The following WDR38 variants were observed in gnomAD, a reference collection of about 807,000 sequenced individuals.
The protein encoded by WDR38 is WD repeat domain 38.
WDR38 carries 37 observed loss-of-function variants against 36.6 expected under a neutral mutation model. The ratio of observed to expected loss-of-function variants is 1.01; its 90% CI spans 0.78 to 1.33. The LOEUF is 1.33. Ranked by LOEUF, WDR38 falls within the 40% of genes most tolerant of loss-of-function variation. The pLI is 0.00. For synonymous variants in WDR38, 164 were observed against 168.1 expected (o/e 0.98, Z 0.19); for missense variants, 411 against 414.6 (o/e 0.99, Z 0.07).
chr9:124,857,228 G>T lies in WDR38; in HGVS notation c.769-136G>T. ...TGTAATCCCAGCACTTTGGGAGGTG[G>T]AGGTAGGTGAATCACCTGAGGTCAG... On this transcript the variant is annotated intron_variant, in intron 7 of 8. Transcript: ENST00000373574. 5 of 1,169,456 alleles carry T rather than the reference G, an allele frequency of 4.3e-6. 1 individual carries two copies. The South Asian group carries it at 5.2e-5, about 12-fold the overall frequency. The allele number at this position is 1,169,456 out of a possible 1,614,324, so 72.4% of individuals were successfully genotyped here. A position where few individuals can be genotyped will look rare whatever the true frequency, so the allele number is the denominator to read the frequency against.
chr9:124,857,343 C>T (rs776075672), intron 7 of WDR38, 21 bp from the exon 8 acceptor site: 3 of 1,479,320 alleles, frequency 2.0e-6, no homozygotes, highest in Middle Eastern at 1.7e-4. Flanking sequence ...GGCTTCCTGA[C>T]ATGCCCCCCT....
In WDR38 at chr9:124,853,616, C is replaced by G. The variant is rs371567186; in HGVS notation, c.69+16C>G. 2 of 1,270,132 alleles carry G rather than the reference C, an allele frequency of 1.6e-6. No homozygotes were observed. Among genetic ancestry groups the G allele is most frequent in the Non-Finnish European group, 2.0e-6 (2 of 1,000,394 alleles). The allele number at this position is 1,270,132 out of a possible 1,614,324, so 78.7% of individuals were successfully genotyped here. On this transcript the variant is annotated intron_variant, in intron 1 of 8. Transcript: ENST00000373574. ...CGGCGGGGAGGTGAGGTCCAGCGGG[C>G]TCTGCCCAGACTCCCGGCTTTGGAT...
chr9:124,857,213 G>A, intron 7 of WDR38, 151 bp from the exon 8 acceptor site: 1 of 1,061,980 alleles, frequency 9.4e-7, no homozygotes, highest in Non-Finnish European at 1.4e-6. Context: ...TGTAATCCCA[G>A]CACTTTGGGA....
At position 124,856,787 on chromosome 9, in the gene WDR38, T is replaced by C; in HGVS notation, c.674T>C (p.Leu225Pro). 1 of 1,614,222 alleles carries C rather than the reference T, an allele frequency of 6.2e-7. No individual in the cohort carries two copies. The highest frequency in any genetic ancestry group is 8.5e-7 in the Non-Finnish European group (1 of 1,180,034). Residue 225 changes from leucine to proline, a missense_variant, in exon 7 of 9, where the codon CTG becomes CCG. Leu to Pro is a moderately conservative substitution (Grantham distance 98). Coordinates refer to ENST00000373574, the MANE Select transcript of WDR38 (RefSeq NM_001045476.3). The stretch of plus-strand genomic sequence containing the variant: ...ATCTGGAAGCCCACAACCAGCAGCC[T>C]GCTTATCCAACTGAAGGGCCATGTC... ...IHIWKPTTSSLLIQLKGHVTW... is the reference protein window; with the variant it reads ...IHIWKPTTSSPLIQLKGHVTW...
At chr9:124,857,439 A>T (rs1173554501) in intron 8 of WDR38, 28 bp downstream of exon 8, 1 of 1,614,094 alleles carries the variant, frequency 6.2e-7, no homozygotes, top group South Asian at 1.1e-5. Context: ...GGCACTGAGG[A>T]AGCTGTGGAC....
At position 124,853,527 on chromosome 9, in the gene WDR38, T is replaced by G. The variant is rs977144266; in HGVS notation, c.-5T>G. On this transcript the variant is annotated 5_prime_UTR_variant, in exon 1 of 9. Coordinates refer to ENST00000373574, the MANE Select transcript of WDR38 (RefSeq NM_001045476.3). ...CCCGCCGGGGCGGGGCGGGGCCGGG[T>G]GCCCATGAACAGCGGGGTCCCGGCC... 2 of 1,240,822 alleles carry G rather than the reference T, an allele frequency of 1.6e-6. No homozygotes were observed. Among genetic ancestry groups the G allele is most frequent in the Middle Eastern group, 3.1e-4 (1 of 3,266 alleles). The allele number at this position is 1,240,822 out of a possible 1,614,324, so 76.9% of individuals were successfully genotyped here.
Position 124,856,818 on chromosome 9 carries a change from G to A in WDR38, c.705G>A (p.Trp235Ter), listed in dbSNP as rs200265200. 68 of 1,614,084 alleles carry A rather than the reference G, an allele frequency of 4.2e-5. No homozygotes were observed. The highest frequency in any genetic ancestry group is 1.6e-4 in the Middle Eastern group (1 of 6,084). Residue 235 changes from tryptophan (W) to a stop codon, truncating the protein, a stop_gained, in exon 7 of 9, where the codon TGG becomes TGA. Transcript: ENST00000373574. LOFTEE classifies it high-confidence loss of function. ...LLIQLKGHVT[W>*]VKSIAFSPDE... The stretch of plus-strand genomic sequence containing the variant: ...TCCAACTGAAGGGCCATGTCACCTG[G>A]GTGAAGAGCATAGCCTTCTCTCCCG...
rs1829069877 is a variant in WDR38, at chr9:124,856,455, GAAGCT to G, written c.487-13_487-9del. Reference sequence around the variant, plus strand: ...GAGAGCTGGCTGGGCCAGACTCACAGAAGCTGCCTGCAGGCCACCGGCTCCTGGGA... The same window carrying G: ...GAGAGCTGGCTGGGCCAGACTCACAGGCCTGCAGGCCACCGGCTCCTGGGA... On this transcript the variant is annotated splice_polypyrimidine_tract_variant and intron_variant, in intron 5 of 8. Coordinates refer to ENST00000373574, the MANE Select transcript of WDR38 (RefSeq NM_001045476.3). The G allele has an allele frequency of 1.9e-6, 3 of 1,612,224 alleles. No homozygotes were observed. The South Asian group carries it at 3.3e-5, about 18-fold the overall frequency.
At position 124,854,264 on chromosome 9, in the gene WDR38, C is replaced by T; in HGVS notation, c.129C>T (p.Gly43=). The T allele has an allele frequency of 6.2e-7, 1 of 1,614,118 alleles. No individual in the cohort carries two copies. The highest frequency in any genetic ancestry group is 8.5e-7 in the Non-Finnish European group (1 of 1,179,996). The change falls in exon 2 of 9, where the codon GGC becomes GGT. Residue 43 remains glycine, a synonymous_variant. Coordinates refer to ENST00000373574, the MANE Select transcript of WDR38 (RefSeq NM_001045476.3). ...TGCTGCTCACAGGCTCAGAAGATGG[C>T]TGCGTGTATGGCTGGGAGACCCGGA... is the stretch of plus-strand genomic sequence containing the variant. ...GQMLLTGSED[G]CVYGWETRSG...
chr9:124,856,184 A>G, intron 4 of WDR38, 56 bp from the exon 5 acceptor site: 1 of 1,608,922 alleles, frequency 6.2e-7, no homozygotes, highest in Non-Finnish European at 8.5e-7. Context: ...CTGGACTGTC[A>G]AGGCCAGGTA....
Position 124,853,597 on chromosome 9 carries a change from G to T in WDR38, c.66G>T (p.Gly22=), listed in dbSNP as rs377590768. The T allele has an allele frequency of 1.6e-6, 2 of 1,272,332 alleles. No homozygotes were observed. Among genetic ancestry groups the T allele is most frequent in the East Asian group, 2.9e-5 (1 of 34,460 alleles). 78.8% of individuals were successfully genotyped at this position (1,272,332 alleles called of 1,614,324 possible). A position where few individuals can be genotyped will look rare whatever the true frequency, so the allele number is the denominator to read the frequency against. The stretch of plus-strand genomic sequence containing the variant: ...TGAAATTCTTCGGCCAGCACGGCGG[G>T]GAGGTGAGGTCCAGCGGGCTCTGCC... ...RRVKFFGQHG[G]EVNSSAFSPD... Residue 22 remains glycine (G), a synonymous_variant, in exon 1 of 9, where the codon GGG becomes GGT. Transcript: ENST00000373574.
chr9:124,853,594 C>T lies in WDR38; in HGVS notation c.63C>T (p.Gly21=). The part of the protein sequence containing the change: ...VRRVKFFGQH[G]GEVNSSAFSP... ...GAGTGAAATTCTTCGGCCAGCACGG[C>T]GGGGAGGTGAGGTCCAGCGGGCTCT... The change falls in exon 1 of 9, where the codon GGC becomes GGT. Residue 21 remains glycine, a synonymous_variant. Coordinates refer to ENST00000373574, the MANE Select transcript of WDR38 (RefSeq NM_001045476.3). The T allele has an allele frequency of 7.9e-7, 1 of 1,271,146 alleles. No individual in the cohort carries two copies. Among genetic ancestry groups the T allele is most frequent in the Non-Finnish European group, 1.0e-6 (1 of 1,001,120 alleles). The allele number at this position is 1,271,146 out of a possible 1,614,324, so 78.7% of individuals were successfully genotyped here.
chr9:124,855,681 A>G lies in WDR38; in HGVS notation c.238A>G (p.Ser80Gly), dbSNP rs768992216. 1.9e-5 allele frequency: 31 copies of G among 1,612,936 alleles called. No individual in the cohort carries two copies. The highest frequency in any genetic ancestry group is 2.3e-5 in the Non-Finnish European group (27 of 1,180,028). ...CTCCCCTGATGGCCACCTCTTCGCC[A>G]GCGCCTCCTGTGACTGCACTGTCCG... is the stretch of plus-strand genomic sequence containing the variant. ...RFSPDGHLFA[S>G]ASCDCTVRLW... Residue 80 changes from serine to glycine, a missense_variant, in exon 3 of 9, where the codon AGC (serine) becomes GGC (glycine). Transcript: ENST00000373574.
Position 124,853,471 on chromosome 9 carries a change from T to A in WDR38, c.-61T>A. 9.1e-7 allele frequency: 1 copy of A among 1,101,710 alleles called. No homozygotes were observed. The highest frequency in any genetic ancestry group is 1.2e-6 in the Non-Finnish European group (1 of 863,594). 68.2% of individuals were successfully genotyped at this position (1,101,710 alleles called of 1,614,324 possible). A position where few individuals can be genotyped will look rare whatever the true frequency, so the allele number is the denominator to read the frequency against. ...ACAGTTTCCTCTTTCCTCTGCCCAG[T>A]CCTGGGGTCCCGCGGCCGCCTAGGA... On this transcript the variant is annotated 5_prime_UTR_variant, in exon 1 of 9. Transcript: ENST00000373574.
At position 124,855,703 on chromosome 9, in the gene WDR38, T is replaced by A; in HGVS notation, c.260T>A (p.Val87Asp). 6.2e-7 allele frequency: 1 copy of A among 1,613,384 alleles called. No individual in the cohort carries two copies. Among genetic ancestry groups the A allele is most frequent in the Non-Finnish European group, 8.5e-7 (1 of 1,180,032 alleles). The change falls in exon 3 of 9, where the codon GTC becomes GAC. Residue 87 changes from valine to aspartate, a missense_variant. Coordinates refer to ENST00000373574, the MANE Select transcript of WDR38 (RefSeq NM_001045476.3). ...LFASASCDCT[V>D]RLWDVARAKC... ...GCCAGCGCCTCCTGTGACTGCACTG[T>A]CCGCCTGTGGGATGTGGCAAGAGCG...
Position 124,857,677 on chromosome 9 carries a change from G to T in WDR38, c.*47G>T. 2 of 1,610,058 alleles carry T rather than the reference G, an allele frequency of 1.2e-6. No homozygotes were observed. Among genetic ancestry groups the T allele is most frequent in the Non-Finnish European group, 1.7e-6 (2 of 1,179,440 alleles). Reference sequence around the variant, plus strand: ...CCGACCTCACCCGCTCCCCTCAGTGGCGCACAGGCATGCCGCTTCTCCCCA... The same window carrying T: ...CCGACCTCACCCGCTCCCCTCAGTGTCGCACAGGCATGCCGCTTCTCCCCA... On this transcript the variant is annotated 3_prime_UTR_variant, in exon 9 of 9. Transcript: ENST00000373574.
intron 4 of WDR38, 75 bp from the exon 5 acceptor site, chr9:124,856,165 C>T (rs1203394907): frequency 1.5e-5 from 24 of 1,597,332 alleles, no homozygotes; most frequent in Middle Eastern, 3.3e-4. Context: ...TGCACGAGGT[C>T]CCCCTTTCCT....
At position 124,853,539 on chromosome 9, in the gene WDR38, G is replaced by T. The variant is rs1828961470; in HGVS notation, c.8G>T (p.Ser3Ile). 1 of 1,246,922 alleles carries T rather than the reference G, an allele frequency of 8.0e-7. No homozygotes were observed. The highest frequency in any genetic ancestry group is 1.5e-5 in the African/African-American group (1 of 64,882). The allele number at this position is 1,246,922 out of a possible 1,614,324, so 77.2% of individuals were successfully genotyped here. The change falls in exon 1 of 9, where the codon AGC becomes ATC. Residue 3 changes from serine to isoleucine, a missense_variant. Ser to Ile is a moderately radical substitution (Grantham distance 142). Transcript: ENST00000373574. MN[S>I]GVPATLAVRR... ...GGGCGGGGCCGGGTGCCCATGAACA[G>T]CGGGGTCCCGGCCACGCTGGCCGTG...
intron 4 of WDR38, 136 bp from the exon 5 acceptor site, chr9:124,856,104 G>A: frequency 6.6e-7 from 1 of 1,510,688 alleles, no homozygotes; most frequent in Non-Finnish European, 9.0e-7. Context: ...CCCCCACCTG[G>A]CCACAGCCGC....
Sources: gnomAD v4.1 joint callset for allele counts on GRCh38, gnomAD v4.1.1 for gene constraint, MANE v1.5 for transcripts, NCBI Gene and HGNC (gene_info 2026-07-23, HGNC 2026-07-21) for gene names.